Variants in GTF2IRD1 observed in about 807,000 individuals in gnomAD.
The protein encoded by GTF2IRD1 is general transcription factor II-I repeat domain-containing protein 1.
GTF2IRD1 carries 26 observed loss-of-function variants against 113.2 expected under a neutral mutation model. That is an observed-to-expected ratio of 0.23 (90% CI 0.17 to 0.32). The LOEUF (loss-of-function observed/expected upper bound fraction) is 0.32, where lower values mean the gene tolerates loss of function less well. Among genes scored for constraint, GTF2IRD1 ranks in the 10% least tolerant of loss-of-function variants. GTF2IRD1 has a pLI of 1.00. For synonymous variants in GTF2IRD1, 484 were observed against 529.1 expected (o/e 0.91, Z 1.17); for missense variants, 864 against 1,280.8 (o/e 0.67, Z 4.97).
intron 1 of GTF2IRD1, among the ~76,000 whole-genome samples, chr7:74,494,348 G>A (rs759358692): frequency 6.6e-6 from 1 of 152,232 alleles, no homozygotes; most frequent in Non-Finnish European, 1.5e-5. Flanking sequence ...AGGAACAGCT[G>A]GGGCCCCTTG....
chr7:74,497,656 C>G (rs911956872), intron 1 of GTF2IRD1, among the ~76,000 whole-genome samples: 20 of 152,124 alleles, frequency 1.3e-4, no homozygotes, highest in African/African-American at 4.8e-4. Context: ...TCCAATTTCC[C>G]CACGTTCTCA....
At chr7:74,575,649 A>G (rs1264558262) in intron 22 of GTF2IRD1, among the ~76,000 whole-genome samples, 1 of 152,156 alleles carries the variant, frequency 6.6e-6, no homozygotes, top group African/African-American at 2.4e-5. Context: ...GCTGTGAGAA[A>G]ATGAGGAGCT....
At chr7:74,464,208 C>A (rs1403971336) in intron 1 of GTF2IRD1, among the ~76,000 whole-genome samples, 2 of 152,174 alleles carry the variant, frequency 1.3e-5, no homozygotes, top group Admixed American at 6.5e-5. Context: ...TTGCCTGAGG[C>A]TGAGCCTCAG....
intron 1 of GTF2IRD1, among the ~76,000 whole-genome samples, chr7:74,476,222 G>A (rs903154245): frequency 5.3e-5 from 8 of 152,042 alleles, no homozygotes; most frequent in African/African-American, 1.2e-4. Flanking sequence ...GGTGGGTCCC[G>A]CCCAAGCCCC....
intron 9 of GTF2IRD1, among the ~76,000 whole-genome samples, chr7:74,531,335 C>T (rs587597960): frequency 1.6e-4 from 24 of 152,316 alleles, no homozygotes; most frequent in African/African-American, 5.5e-4. Context: ...GGCACAACTG[C>T]ACTCCAGCCT....
At chr7:74,602,202 A>T in intron 26 of GTF2IRD1, 163 bp from the exon 27 acceptor site, 1 of 725,248 alleles carries the variant, frequency 1.4e-6, no homozygotes. Context: ...AGATTGCATC[A>T]CTGCACTCCA....
intron 1 of GTF2IRD1, among the ~76,000 whole-genome samples, chr7:74,472,240 G>A (rs37624): frequency 0.64 from 95,619 of 150,040 alleles, 30,994 homozygotes; most frequent in Admixed American, 0.74. Context: ...CCGGGGCCAG[G>A]TGCTGCAGTG....
intron 2 of GTF2IRD1, among the ~76,000 whole-genome samples, chr7:74,508,563 C>T (rs1021310111): frequency 6.6e-6 from 1 of 151,866 alleles, no homozygotes; most frequent in Non-Finnish European, 1.5e-5. Flanking sequence ...TGGTGGCATG[C>T]GCCTGTAATC....
intron 1 of GTF2IRD1, among the ~76,000 whole-genome samples, chr7:74,459,327 G>C (rs1186554565): frequency 6.6e-6 from 1 of 151,946 alleles, no homozygotes; most frequent in Non-Finnish European, 1.5e-5. Context: ...GCGTAGTGGC[G>C]GGCGCCTGTA....
At chr7:74,536,308 G>T (rs782414710) in intron 11 of GTF2IRD1, 33 bp downstream of exon 11, 2 of 1,333,990 alleles carry the variant, frequency 1.5e-6, no homozygotes, top group East Asian at 2.3e-5. Flanking sequence ...GGAGGCCCGC[G>T]GCCAGCCCTG....
intron 17 of GTF2IRD1, among the ~76,000 whole-genome samples, chr7:74,549,206 G>A (rs1799140094): frequency 6.6e-6 from 1 of 151,498 alleles, no homozygotes; most frequent in South Asian, 2.1e-4. Flanking sequence ...AGGAGACTGA[G>A]GCACAAGAAT....
Position 74,601,919 on chromosome 7 carries a change from G to A in GTF2IRD1, c.2767-446G>A, listed in dbSNP as rs1191086467. On this transcript the variant is annotated intron_variant, in intron 26 of 26. Coordinates refer to ENST00000424337, the MANE Select transcript of GTF2IRD1 (RefSeq NM_005685.4). ...AGATCGTCCCATTGCACTCCAGCCTGGGCAAGAGAACGAGACTCCATCTCA... is the reference window on the plus strand; with the variant it reads ...AGATCGTCCCATTGCACTCCAGCCTAGGCAAGAGAACGAGACTCCATCTCA... 6 of 162,626 alleles carry A rather than the reference G, an allele frequency of 3.7e-5. No individual in the cohort carries two copies. In the South Asian group the frequency reaches 8.5e-4, roughly 23 times the overall value. The allele number at this position is 162,626 out of a possible 1,614,324, so 10.1% of individuals were successfully genotyped here. A position where few individuals can be genotyped will look rare whatever the true frequency, so the allele number is the denominator to read the frequency against.
At chr7:74,550,351 A>G (rs1328166203) in intron 17 of GTF2IRD1, among the ~76,000 whole-genome samples, 1 of 152,038 alleles carries the variant, frequency 6.6e-6, no homozygotes, top group Non-Finnish European at 1.5e-5. Context: ...ATACATGTAT[A>G]GTACTGTACT....
chr7:74,595,415 A>G (rs1424537786), intron 25 of GTF2IRD1, among the ~76,000 whole-genome samples: 2 of 146,904 alleles, frequency 1.4e-5, no homozygotes, highest in African/African-American at 5.0e-5. Flanking sequence ...CGAAAAAAAG[A>G]AAAAAAGAAA....
chr7:74,467,484 G>A (rs1288103920), intron 1 of GTF2IRD1, among the ~76,000 whole-genome samples: 2 of 151,908 alleles, frequency 1.3e-5, no homozygotes, highest in African/African-American at 4.8e-5. Flanking sequence ...AATCCTCTGG[G>A]CTATTTATTT....
intron 11 of GTF2IRD1, among the ~76,000 whole-genome samples, chr7:74,537,091 A>G (rs1798341086): frequency 6.6e-6 from 1 of 152,120 alleles, no homozygotes; most frequent in Non-Finnish European, 1.5e-5. Context: ...AGCCTGGGCA[A>G]CAGAGTAAAG....
Position 74,555,196 on chromosome 7 carries a change from G to T in GTF2IRD1, c.1939G>T (p.Val647Phe). 5.0e-6 allele frequency: 8 copies of T among 1,613,752 alleles called. No homozygotes were observed. The highest frequency in any genetic ancestry group is 6.8e-6 in the Non-Finnish European group (8 of 1,179,956). ...IKRPELLTEG[V>F]KEPIMDSQER... ...CAGGCCCGAGCTGCTCACTGAGGGA[G>T]TCAAAGAGCCCATCATGGATAGTCA... Residue 647 changes from valine (V) to phenylalanine (F), a missense_variant, in exon 18 of 27, where the codon GTC becomes TTC. Transcript: ENST00000424337. This position sits in a 1 kb window ranked among gnomAD's most constrained non-coding sequence, Gnocchi z 5.3.
chr7:74,515,540 G>T lies in GTF2IRD1; in HGVS notation c.365G>T (p.Gly122Val), dbSNP rs1231662901. 2 of 1,613,716 alleles carry T rather than the reference G, an allele frequency of 1.2e-6. No homozygotes were observed. The highest frequency in any genetic ancestry group is 1.7e-5 in the Admixed American group (1 of 59,988). Residue 122 changes from glycine (G) to valine (V), a missense_variant, in exon 4 of 27, where the codon GGC becomes GTC. By Grantham distance (109) the Gly-to-Val change is moderately radical. Coordinates refer to ENST00000424337, the MANE Select transcript of GTF2IRD1 (RefSeq NM_005685.4). ...CTCCCTCGGTCCTCCCTGGAACATG[G>T]CTCAGATGTGTACCTTCTGCGGAAG... ...RSLPRSSLEH[G>V]SDVYLLRKMV...
chr7:74,500,728 A>T (rs956201696), intron 1 of GTF2IRD1, among the ~76,000 whole-genome samples: 2 of 151,934 alleles, frequency 1.3e-5, no homozygotes, highest in Non-Finnish European at 2.9e-5. Context: ...CCTTTTTTAA[A>T]TTTTTTATTT....
Sources: gnomAD v4.1 joint callset for allele counts (sites outside exome capture counted in the v4.1 genomes callset) on GRCh38, gnomAD v4.1.1 for gene constraint, Gnocchi (gnomAD v3.1) non-coding constraint, MANE v1.5 for transcripts, NCBI Gene and HGNC (gene_info 2026-07-23, HGNC 2026-07-21) for gene names.